The following NHSL2 variants were observed in gnomAD, a reference collection of about 807,000 sequenced individuals.
The protein encoded by NHSL2 is NHS like 2.
A neutral mutation model predicts 53.4 loss-of-function variants in NHSL2; 27 were observed. That is an observed-to-expected ratio of 0.51 (90% CI 0.37 to 0.70). The LOEUF (loss-of-function observed/expected upper bound fraction) is 0.70. Ranked by LOEUF, NHSL2 falls within the 30% of genes least tolerant of loss-of-function variation. The probability of loss-of-function intolerance (pLI) is 0.00; values close to 1 mark genes in which losing one functional copy is unlikely to be tolerated. For missense variants in NHSL2, 892 were observed against 980.1 expected (o/e 0.91, Z 1.20); for synonymous variants, 408 against 404.1 (o/e 1.01, Z -0.12).
intron 1 of NHSL2, among the ~76,000 whole-genome samples, chrX:71,954,398 C>G (rs762261063): frequency 8.9e-6 from 1 of 112,587 alleles, no homozygotes; most frequent in South Asian, 3.7e-4. Context: ...GGGGCTTGCT[C>G]TTTTCTGCCT....
intron 1 of NHSL2, among the ~76,000 whole-genome samples, chrX:71,961,424 C>T (rs1359240387): frequency 1.1e-5 from 1 of 90,853 alleles, no homozygotes; most frequent in African/African-American, 3.9e-5. Flanking sequence ...CTCCCTCTCT[C>T]CCTCCCTTCC....
chrX:71,971,518 T>TACC (rs1352832032), intron 1 of NHSL2, among the ~76,000 whole-genome samples: 1 of 112,099 alleles, frequency 8.9e-6, no homozygotes, highest in Non-Finnish European at 1.9e-5. Flanking sequence ...GGATTTGAGT[T>TACC]ACCATCTAGT....
At chrX:71,951,005 T>TACAC (rs10527333) in intron 1 of NHSL2, among the ~76,000 whole-genome samples, 15,892 of 89,533 alleles carry the variant, frequency 0.18, 1,233 homozygotes, top group South Asian at 0.27. Flanking sequence ...AAATACAAAA[T>TACAC]ACACACACAC....
At chrX:72,132,304 G>A (rs2042314061) in intron 2 of NHSL2, 70 bp downstream of exon 2, 1 of 950,981 alleles carries the variant, frequency 1.1e-6, no homozygotes, top group Non-Finnish European at 1.4e-6. Flanking sequence ...GGGAGGCAAA[G>A]AAGAAAGAGG....
At chrX:72,113,401 A>C (rs1158204555) in intron 1 of NHSL2, among the ~76,000 whole-genome samples, 1 of 111,250 alleles carries the variant, frequency 9.0e-6, no homozygotes, top group South Asian at 3.8e-4. Flanking sequence ...CTAGACCCCT[A>C]TTGACTTCAG....
At chrX:72,066,811 GAAC>G (rs2042432835) in intron 1 of NHSL2, among the ~76,000 whole-genome samples, 1 of 111,054 alleles carries the variant, frequency 9.0e-6, no homozygotes, top group African/African-American at 3.3e-5. Context: ...GCTGGTGTGA[GAAC>G]AATATGCAAT....
intron 1 of NHSL2, among the ~76,000 whole-genome samples, chrX:72,058,565 G>A (rs933826712): frequency 2.7e-5 from 3 of 111,788 alleles, no homozygotes; most frequent in Admixed American, 1.9e-4. Flanking sequence ...GGATGGTCTC[G>A]ATCTATTGAC....
chrX:72,130,037 G>T (rs771005184), intron 1 of NHSL2: 1 of 1,211,467 alleles, frequency 8.3e-7, no homozygotes, highest in Admixed American at 2.2e-5. Flanking sequence ...CTGCTAGGCT[G>T]TATTATGGGA....
intron 1 of NHSL2, among the ~76,000 whole-genome samples, chrX:71,976,706 G>T (rs2041949849): frequency 8.9e-6 from 1 of 112,226 alleles, no homozygotes; most frequent in South Asian, 3.7e-4. Flanking sequence ...CCTGCCCAAG[G>T]CCTCCCGACC....
intron 1 of NHSL2, among the ~76,000 whole-genome samples, chrX:72,085,832 C>CCAGGAATTCT: frequency 9.2e-6 from 1 of 108,517 alleles, no homozygotes; most frequent in African/African-American, 3.4e-5. Context: ...CCCTCCCTAC[C>CCAGGAATTCT]ACCCGTATGC....
chrX:72,143,920 G>C lies in NHSL2; in HGVS notation c.*346G>C. 6.7e-6 allele frequency: 1 copy of C among 148,583 alleles called. No individual in the cohort carries two copies. The highest frequency in any genetic ancestry group is 1.3e-5 in the Non-Finnish European group (1 of 76,294). The allele number at this position is 148,583 out of a possible 1,213,427, so 12.2% of individuals were successfully genotyped here. A position where few individuals can be genotyped will look rare whatever the true frequency, so the allele number is the denominator to read the frequency against. On this transcript the variant is annotated 3_prime_UTR_variant, in exon 8 of 8. Transcript: ENST00000633930. ...CAGTGACCCGGCTGCTCCATCCCTG[G>C]CTCCTGTCACTGAGGAGTGCAGTGT...
intron 1 of NHSL2, among the ~76,000 whole-genome samples, chrX:71,968,032 C>T (rs2147856365): frequency 9.2e-6 from 1 of 108,694 alleles, no homozygotes; most frequent in South Asian, 4.2e-4. Context: ...GTCTCTGCCC[C>T]ATTGTCCAGG....
intron 1 of NHSL2, among the ~76,000 whole-genome samples, chrX:71,952,802 T>TAC (rs2041826890): frequency 9.0e-6 from 1 of 111,063 alleles, no homozygotes; most frequent in African/African-American, 3.3e-5. Flanking sequence ...CTGTCCACAC[T>TAC]ATACCAGGTG....
intron 1 of NHSL2, among the ~76,000 whole-genome samples, chrX:72,112,143 G>A (rs886758511): frequency 6.4e-5 from 7 of 109,352 alleles, no homozygotes; most frequent in African/African-American, 2.3e-4. Flanking sequence ...AATGGACCTG[G>A]CATGTTTGAG....
chrX:72,043,580 A>G (rs1223138931), intron 1 of NHSL2, among the ~76,000 whole-genome samples: 1 of 110,812 alleles, frequency 9.0e-6, no homozygotes, highest in Non-Finnish European at 1.9e-5. Context: ...TCAAACCCGT[A>G]CTCTTTCCAT....
intron 1 of NHSL2, chrX:72,129,641 C>G: frequency 4.5e-6 from 2 of 446,554 alleles, no homozygotes; most frequent in South Asian, 3.8e-5. Context: ...CCAGGTGGCC[C>G]TGGTTGGGCA....
intron 1 of NHSL2, among the ~76,000 whole-genome samples, chrX:71,956,146 C>G (rs761314735): frequency 8.9e-6 from 1 of 112,103 alleles, no homozygotes; most frequent in South Asian, 3.7e-4. Context: ...GTTCTCCCCA[C>G]CCCGCTCTTC....
At chrX:72,064,775 G>A (rs754397361) in intron 1 of NHSL2, among the ~76,000 whole-genome samples, 44 of 112,759 alleles carry the variant, frequency 3.9e-4, no homozygotes, top group African/African-American at 1.4e-3. Context: ...TAGGGTGGGG[G>A]ACCAGCCAAA....
chrX:72,060,198 G>C (rs2042392184), intron 1 of NHSL2, among the ~76,000 whole-genome samples: 1 of 112,181 alleles, frequency 8.9e-6, no homozygotes, highest in Non-Finnish European at 1.9e-5. Context: ...CCTAAAGTGC[G>C]AATTGAGGAT....
Sources: gnomAD v4.1 joint callset for allele counts (sites outside exome capture counted in the v4.1 genomes callset) on GRCh38, gnomAD v4.1.1 for gene constraint, MANE v1.5 for transcripts, NCBI Gene and HGNC (gene_info 2026-07-23, HGNC 2026-07-21) for gene names.